Variants in SCHIP1 observed in about 807,000 individuals in gnomAD.
SCHIP1 encodes schwannomin-interacting protein 1.
A neutral mutation model predicts 29.7 loss-of-function variants in SCHIP1; 8 were observed. The observed-to-expected ratio is 0.27, with a 90% CI of 0.16 to 0.49. The LOEUF (loss-of-function observed/expected upper bound fraction) is 0.49. Among genes scored for constraint, SCHIP1 ranks in the 20% least tolerant of loss-of-function variants. The pLI is 0.99. For synonymous variants in SCHIP1, 76 were observed against 94.9 expected (o/e 0.80, Z 1.16); for missense variants, 193 against 294.6 (o/e 0.66, Z 2.52).
the SCHIP1 span, among the ~76,000 whole-genome samples, chr3:159,681,765 T>C: frequency 0.023 from 3,529 of 151,994 alleles, 72 homozygotes; most frequent in African/African-American, 0.05. Context: ...CCAATGTAGA[T>C]TAACTTGGTT....
the SCHIP1 span, among the ~76,000 whole-genome samples, chr3:159,537,340 G>C: frequency 3.9e-5 from 6 of 152,070 alleles, no homozygotes; most frequent in African/African-American, 1.4e-4. Flanking sequence ...CTGTTGCCAG[G>C]CTTCTTGAAT....
chr3:159,321,201 G>A, the SCHIP1 span, among the ~76,000 whole-genome samples: 3 of 152,132 alleles, frequency 2.0e-5, no homozygotes, highest in African/African-American at 7.2e-5. Flanking sequence ...CTGACCTCAG[G>A]TGATCTGCCC....
At chr3:159,865,110 C>G (rs1714481368) in intron 1 of SCHIP1, among the ~76,000 whole-genome samples, 1 of 152,232 alleles carries the variant, frequency 6.6e-6, no homozygotes, top group East Asian at 1.9e-4. Flanking sequence ...CATCACCAAG[C>G]CTTTAGTAGC....
chr3:159,519,668 T>A, the SCHIP1 span, among the ~76,000 whole-genome samples: 1 of 152,146 alleles, frequency 6.6e-6, no homozygotes, highest in Non-Finnish European at 1.5e-5. Flanking sequence ...CTTTTCTTTT[T>A]TTAAAGTAAA....
At chr3:159,377,892 A>G in the SCHIP1 span, among the ~76,000 whole-genome samples, 2 of 152,314 alleles carry the variant, frequency 1.3e-5, no homozygotes, top group East Asian at 3.9e-4. Context: ...CAGACTCAGG[A>G]AGATGGACAT....
At chr3:159,653,761 A>G in the SCHIP1 span, among the ~76,000 whole-genome samples, 1 of 152,122 alleles carries the variant, frequency 6.6e-6, no homozygotes, top group Non-Finnish European at 1.5e-5. Context: ...AAAAAAAAAA[A>G]AAAAAAGATT....
chr3:159,405,878 G>C, the SCHIP1 span, among the ~76,000 whole-genome samples: 1 of 124,568 alleles, frequency 8.0e-6, no homozygotes, highest in African/African-American at 3.6e-5. Flanking sequence ...GTGAGACTCT[G>C]TCAAAAAAAA....
At chr3:159,566,258 A>C in the SCHIP1 span, among the ~76,000 whole-genome samples, 1 of 152,194 alleles carries the variant, frequency 6.6e-6, no homozygotes, top group Admixed American at 6.5e-5. Context: ...TAAGAATGTT[A>C]TTTGTCCTGC....
chr3:159,356,406 CT>C, the SCHIP1 span, among the ~76,000 whole-genome samples: 1 of 152,074 alleles, frequency 6.6e-6, no homozygotes, highest in East Asian at 1.9e-4. Flanking sequence ...ATAGGTTGTG[CT>C]CGGGCTTTGA....
At chr3:159,332,032 C>T in the SCHIP1 span, among the ~76,000 whole-genome samples, 1 of 152,182 alleles carries the variant, frequency 6.6e-6, no homozygotes, top group Non-Finnish European at 1.5e-5. Context: ...CCTGACTCCT[C>T]ACCTTCCCCA....
the SCHIP1 span, among the ~76,000 whole-genome samples, chr3:159,459,579 G>A: frequency 6.6e-6 from 1 of 151,830 alleles, no homozygotes; most frequent in African/African-American, 2.4e-5. Context: ...AATGTGATGC[G>A]GCTGTATCAG....
chr3:159,292,683 T>G, the SCHIP1 span, among the ~76,000 whole-genome samples: 1 of 152,216 alleles, frequency 6.6e-6, no homozygotes, highest in Admixed American at 6.5e-5. Flanking sequence ...ATGACTGGAA[T>G]GTGCGTGCTA....
the SCHIP1 span, among the ~76,000 whole-genome samples, chr3:159,624,142 G>C: frequency 6.6e-6 from 1 of 152,140 alleles, no homozygotes; most frequent in Non-Finnish European, 1.5e-5. Flanking sequence ...CAGGAATTGT[G>C]CTAAGCATTA....
At chr3:159,278,717 C>T in the SCHIP1 span, among the ~76,000 whole-genome samples, 1 of 152,112 alleles carries the variant, frequency 6.6e-6, no homozygotes, top group Non-Finnish European at 1.5e-5. Context: ...AGATACTGGC[C>T]CTGCTCTGAA....
chr3:159,312,316 G>T, the SCHIP1 span, among the ~76,000 whole-genome samples: 1 of 152,108 alleles, frequency 6.6e-6, no homozygotes, highest in Non-Finnish European at 1.5e-5. Context: ...TGAGAAAGTG[G>T]TGATCTATGG....
At chr3:159,692,013 CTTTTTTTTTTTTT>C in the SCHIP1 span, among the ~76,000 whole-genome samples, 1 of 90,942 alleles carries the variant, frequency 1.1e-5, no homozygotes, top group Non-Finnish European at 2.1e-5. Context: ...CCCGACCTTT[CTTTTTTTTTTTTT>C]TTTTTTTTTT....
the SCHIP1 span, among the ~76,000 whole-genome samples, chr3:159,418,679 G>A: frequency 3.3e-5 from 5 of 152,214 alleles, no homozygotes; most frequent in Admixed American, 6.5e-5. Context: ...AATACAAGAA[G>A]TTATATCCTC....
chr3:159,385,353 T>TTCG, the SCHIP1 span, among the ~76,000 whole-genome samples: 1 of 151,792 alleles, frequency 6.6e-6, no homozygotes, highest in African/African-American at 2.4e-5. Flanking sequence ...AGGCCAGGAG[T>TTCG]TCGAGACCAG....
chr3:159,393,179 A>G, the SCHIP1 span, among the ~76,000 whole-genome samples: 1 of 151,970 alleles, frequency 6.6e-6, no homozygotes, highest in African/African-American at 2.4e-5. Flanking sequence ...TTTCTTGTAA[A>G]TTTGTTTGAG....
Sources: allele counts gnomAD v4.1 joint callset (sites outside exome capture counted in the v4.1 genomes callset), GRCh38; gene constraint gnomAD v4.1.1; transcripts MANE v1.5; gene names NCBI Gene and HGNC (gene_info 2026-07-23, HGNC 2026-07-21).